The following NALF1 variants were observed in gnomAD, a reference collection of about 807,000 sequenced individuals.
NALF1 encodes the protein family with sequence similarity 155 member A.
NALF1 carries 3 observed loss-of-function variants against 48.4 expected under a neutral mutation model. That is an observed-to-expected ratio of 0.06 (90% CI 0.03 to 0.16). The LOEUF (loss-of-function observed/expected upper bound fraction) is 0.16. Among genes scored for constraint, NALF1 ranks in the 10% least tolerant of loss-of-function variants. NALF1 has a pLI of 1.00. For synonymous variants in NALF1, 262 were observed against 245.7 expected (o/e 1.07, Z -0.62); for missense variants, 526 against 571.5 (o/e 0.92, Z 0.81).
At chr13:107,756,756 A>AT (rs1363727588) in intron 1 of NALF1, among the ~76,000 whole-genome samples, 1 of 152,094 alleles carries the variant, frequency 6.6e-6, no homozygotes, top group Non-Finnish European at 1.5e-5. Flanking sequence ...GTGCTCAATG[A>AT]AGGCAACAAT....
chr13:107,507,525 CCTTT>C (rs2139084281), intron 1 of NALF1, among the ~76,000 whole-genome samples: 1 of 143,420 alleles, frequency 7.0e-6, no homozygotes, highest in East Asian at 2.1e-4. Flanking sequence ...CATATCACAT[CCTTT>C]TTTTTTGCTT....
At chr13:107,725,332 A>AT (rs1208193527) in intron 1 of NALF1, among the ~76,000 whole-genome samples, 11 of 152,204 alleles carry the variant, frequency 7.2e-5, no homozygotes, top group African/African-American at 2.7e-4. Flanking sequence ...AATTATAATA[A>AT]TATCTATGAT....
At chr13:107,208,650 A>G (rs570117064) in intron 2 of NALF1, among the ~76,000 whole-genome samples, 26 of 152,312 alleles carry the variant, frequency 1.7e-4, no homozygotes, top group Non-Finnish European at 3.2e-4. Flanking sequence ...CAACCTGTAC[A>G]TAAAAATCGA....
chr13:107,535,023 C>T (rs1264291264), intron 1 of NALF1, among the ~76,000 whole-genome samples: 2 of 152,052 alleles, frequency 1.3e-5, no homozygotes, highest in African/African-American at 2.4e-5. Flanking sequence ...GTGATTTTTG[C>T]ACATTGATTT....
intron 1 of NALF1, among the ~76,000 whole-genome samples, chr13:107,494,612 A>T (rs1239712153): frequency 6.6e-6 from 1 of 152,170 alleles, no homozygotes; most frequent in Admixed American, 6.5e-5. Context: ...AGTGCATTGG[A>T]ACCATGAGTC....
intron 1 of NALF1, among the ~76,000 whole-genome samples, chr13:107,611,767 CA>C (rs1056981914): frequency 6.6e-6 from 1 of 150,846 alleles, no homozygotes; most frequent in Non-Finnish European, 1.5e-5. Flanking sequence ...AAAAAGAGAA[CA>C]AAAAATTAGC....
intron 1 of NALF1, among the ~76,000 whole-genome samples, chr13:107,521,771 G>A (rs73594800): frequency 0.022 from 3,333 of 152,112 alleles, 112 homozygotes; most frequent in African/African-American, 0.076. Context: ...ATATACCTAG[G>A]AGTACAAGAA....
intron 1 of NALF1, among the ~76,000 whole-genome samples, chr13:107,487,827 T>C (rs1169668513): frequency 1.3e-5 from 2 of 152,016 alleles, no homozygotes; most frequent in Admixed American, 6.6e-5. Flanking sequence ...TTTTTTCCCA[T>C]TTTTTGGAAT....
chr13:107,182,700 A>G (rs1879092865), intron 2 of NALF1, among the ~76,000 whole-genome samples: 1 of 152,258 alleles, frequency 6.6e-6, no homozygotes, highest in Admixed American at 6.5e-5. Context: ...AATGAAGATC[A>G]TTAATGAGAA....
At chr13:107,822,467 T>A (rs1879388372) in intron 1 of NALF1, among the ~76,000 whole-genome samples, 1 of 152,096 alleles carries the variant, frequency 6.6e-6, no homozygotes, top group Non-Finnish European at 1.5e-5. Flanking sequence ...ACTTACTGAA[T>A]CAGAAATCCT....
At chr13:107,414,763 TA>T (rs1253873384) in intron 1 of NALF1, among the ~76,000 whole-genome samples, 1 of 152,048 alleles carries the variant, frequency 6.6e-6, no homozygotes, top group Non-Finnish European at 1.5e-5. Context: ...AATTTACTTC[TA>T]AATCTTGATC....
chr13:107,729,554 A>G (rs1876250622), intron 1 of NALF1, among the ~76,000 whole-genome samples: 1 of 151,824 alleles, frequency 6.6e-6, no homozygotes, highest in African/African-American at 2.4e-5. Flanking sequence ...TCAGCTCACC[A>G]CAACCTCCAC....
At chr13:107,383,084 T>C (rs560399869) in intron 1 of NALF1, among the ~76,000 whole-genome samples, 1 of 152,292 alleles carries the variant, frequency 6.6e-6, no homozygotes, top group African/African-American at 2.4e-5. Context: ...AGTTAGTAGT[T>C]GGGTACAGTT....
At chr13:107,346,471 C>T (rs552633999) in intron 1 of NALF1, among the ~76,000 whole-genome samples, 121 of 152,288 alleles carry the variant, frequency 7.9e-4, no homozygotes, top group African/African-American at 2.8e-3. Flanking sequence ...TCATGTTCTA[C>T]AACATGGATA....
intron 1 of NALF1, among the ~76,000 whole-genome samples, chr13:107,827,539 G>A (rs916869803): frequency 3.9e-5 from 6 of 152,266 alleles, no homozygotes; most frequent in South Asian, 2.1e-4. Context: ...CTGGCCATCG[G>A]GCAGTGTTAG....
chr13:107,723,441 C>T (rs750512036), intron 1 of NALF1, among the ~76,000 whole-genome samples: 3 of 151,864 alleles, frequency 2.0e-5, no homozygotes, highest in African/African-American at 2.4e-5. Context: ...CACACACATA[C>T]GGTATACACA....
chr13:107,499,173 A>G (rs568485938), intron 1 of NALF1, among the ~76,000 whole-genome samples: 6 of 151,852 alleles, frequency 4.0e-5, no homozygotes, highest in African/African-American at 9.7e-5. Context: ...AAAAAAAAAC[A>G]CATACCTATG....
In NALF1 at chr13:107,866,279, G is replaced by A. The variant is rs759597506; in HGVS notation, c.318C>T (p.Leu106=). The A allele has an allele frequency of 1.3e-5, 21 of 1,600,500 alleles. No homozygotes were observed. The highest frequency in any genetic ancestry group is 1.8e-5 in the Non-Finnish European group (21 of 1,175,594). ...GCGAGGACTCCCCCATGCTCGCCAG[G>A]AGCGCGGGCCAGGAGGGCTCCTGCT... The part of the protein sequence containing the change: ...RRQQEPSWPA[L]LASMGESSPA... Residue 106 remains leucine, a synonymous_variant, in exon 1 of 3, where the codon CTC becomes CTT. Transcript: ENST00000375915. The surrounding 1 kb of genome is among the most constrained non-coding windows in gnomAD (Gnocchi z 4.4).
intron 1 of NALF1, among the ~76,000 whole-genome samples, chr13:107,519,120 A>C (rs1876154769): frequency 1.2e-5 from 1 of 82,544 alleles, no homozygotes; most frequent in Admixed American, 1.1e-4. Flanking sequence ...TCACTAAGGA[A>C]TGACTTGTGA....
Sources: allele counts gnomAD v4.1 joint callset (sites outside exome capture counted in the v4.1 genomes callset), GRCh38; gene constraint gnomAD v4.1.1; non-coding constraint Gnocchi (gnomAD v3.1); transcripts MANE v1.5; gene names NCBI Gene and HGNC (gene_info 2026-07-23, HGNC 2026-07-21).